ZNF71: variants seen among roughly 807,000 people sequenced by gnomAD.
The protein encoded by ZNF71 is endothelial zinc finger protein induced by tumor necrosis factor alpha.
Under a neutral mutation model 6.7 loss-of-function variants are expected in ZNF71, and 3 were observed. The ratio of observed to expected loss-of-function variants is 0.45; its 90% CI spans 0.20 to 1.16. The LOEUF (loss-of-function observed/expected upper bound fraction) is 1.16, where lower values mean the gene tolerates loss of function less well. Ranked by LOEUF, ZNF71 falls within the 50% of genes most tolerant of loss-of-function variation. The pLI is 0.25. For missense variants in ZNF71, 688 were observed against 728.6 expected (o/e 0.94, Z 0.64); for synonymous variants, 343 against 311.1 (o/e 1.10, Z -1.08).
At chr19:56,612,605 T>C (rs534947302) in intron 2 of ZNF71, among the ~76,000 whole-genome samples, 1 of 152,204 alleles carries the variant, frequency 6.6e-6, no homozygotes, top group South Asian at 2.1e-4. Flanking sequence ...AGTGTTATAA[T>C]AGACTTTGGA....
In ZNF71 at chr19:56,614,068, A is replaced by T. The variant is rs1169657637; in HGVS notation, c.160+130A>T. The T allele has an allele frequency of 5.3e-6, 4 of 757,634 alleles. No individual in the cohort carries two copies. In the African/African-American group the frequency reaches 7.6e-5, roughly 14 times the overall value. The allele number at this position is 757,634 out of a possible 1,614,324, so 46.9% of individuals were successfully genotyped here. A position where few individuals can be genotyped will look rare whatever the true frequency, so the allele number is the denominator to read the frequency against. ...TTTAAAATTTGCTCTACTTGAAGCTAAAAATAAAGTTGATCACGATGGTAT... is the reference window on the plus strand; with the variant it reads ...TTTAAAATTTGCTCTACTTGAAGCTTAAAATAAAGTTGATCACGATGGTAT... On this transcript the variant is annotated intron_variant, in intron 3 of 3. Transcript: ENST00000599599.
intron 1 of ZNF71, among the ~76,000 whole-genome samples, chr19:56,597,724 GT>G (rs112663037): frequency 0.27 from 41,419 of 151,484 alleles, 6,164 homozygotes; most frequent in African/African-American, 0.38. Context: ...TGTTTTCAGG[GT>G]TTTTTTTTGC....
chr19:56,601,717 A>T, intron 2 of ZNF71, 126 bp downstream of exon 2: 1 of 581,484 alleles, frequency 1.7e-6, no homozygotes, highest in Non-Finnish European at 2.2e-6. Context: ...GCCCTGATGA[A>T]GAGGGCTGTG....
chr19:56,619,878 C>A (rs1235040165), intron 3 of ZNF71, among the ~76,000 whole-genome samples: 1 of 152,146 alleles, frequency 6.6e-6, no homozygotes, highest in Non-Finnish European at 1.5e-5. Flanking sequence ...GGGAATGAGT[C>A]CCCTGATGCA....
chr19:56,603,476 G>T lies in ZNF71; in HGVS notation c.33+1885G>T, dbSNP rs2044686201. Among the ~76,000 whole-genome samples, 1 of 152,148 alleles carries T rather than the reference G, an allele frequency of 6.6e-6. No individual in the cohort carries two copies. Among genetic ancestry groups the T allele is most frequent in the South Asian group, 2.1e-4 (1 of 4,832 alleles). On this transcript the variant is annotated intron_variant, in intron 2 of 3. Coordinates refer to ENST00000599599, the MANE Select transcript of ZNF71 (RefSeq NM_001370215.1). The surrounding 1 kb of genome is among the most constrained non-coding windows in gnomAD (Gnocchi z 4.6). ...TTATTTATCCTTTCATCAGTTGATG[G>T]ACATTTGGGTTGTTTCCACTTTTTG...
intron 2 of ZNF71, among the ~76,000 whole-genome samples, chr19:56,612,739 C>T (rs2044761426): frequency 1.3e-5 from 2 of 152,142 alleles, no homozygotes; most frequent in African/African-American, 4.8e-5. Flanking sequence ...CATTTCATCC[C>T]TGTAACCAAA....
chr19:56,596,310 G>A (rs531975932), intron 1 of ZNF71, among the ~76,000 whole-genome samples: 15 of 152,022 alleles, frequency 9.9e-5, no homozygotes, highest in South Asian at 4.2e-4. Context: ...TGATGTTTGC[G>A]TGTGACTCTG....
In ZNF71 at chr19:56,622,843, C is replaced by T; in HGVS notation, c.*86C>T. On this transcript the variant is annotated 3_prime_UTR_variant, in exon 4 of 4. Coordinates refer to ENST00000599599, the MANE Select transcript of ZNF71 (RefSeq NM_001370215.1). ...TTTGTCAGCAGTGCTGTGAGAAGTT[C>T]TCCCCTGGGGTGGGGACTCGGGGTC... is the stretch of plus-strand genomic sequence containing the variant. 2 of 1,508,456 alleles carry T rather than the reference C, an allele frequency of 1.3e-6. No homozygotes were observed. The highest frequency in any genetic ancestry group is 1.8e-6 in the Non-Finnish European group (2 of 1,124,906). The allele number at this position is 1,508,456 out of a possible 1,614,324, so 93.4% of individuals were successfully genotyped here. A position where few individuals can be genotyped will look rare whatever the true frequency, so the allele number is the denominator to read the frequency against.
rs765953194 is a variant in ZNF71 at position 56,608,859 on chromosome 19, A to C, written c.34-4953A>C. On this transcript the variant is annotated intron_variant, in intron 2 of 3. Transcript: ENST00000599599. ...TTCATGTGGTTGAGATAAAATGGTT[A>C]TTTAGAATTCTGGAAACCCAGAAGC... is the stretch of plus-strand genomic sequence containing the variant. Among the ~76,000 whole-genome samples the C allele has an allele frequency of 5.3e-5, 8 of 152,292 alleles. No individual in the cohort carries two copies. In the South Asian group the frequency reaches 6.2e-4, roughly 12 times the overall value.
At position 56,621,383 on chromosome 19, in the gene ZNF71, T is replaced by C. The variant is rs749646323; in HGVS notation, c.276T>C (p.Gly92=). 10 of 1,605,592 alleles carry C rather than the reference T, an allele frequency of 6.2e-6. No individual in the cohort carries two copies. Among genetic ancestry groups the C allele is most frequent in the Admixed American group, 1.7e-5 (1 of 59,420 alleles). ...GACCCACGAGGAATGGTGCCAGGGG[T>C]CCTGGCTCAGAAGGAGTGTGGGAAC... ...TGGPTRNGAR[G]PGSEGVWEPG... The change falls in exon 4 of 4, where the codon GGT becomes GGC. Residue 92 remains glycine, a synonymous_variant. Coordinates refer to ENST00000599599, the MANE Select transcript of ZNF71 (RefSeq NM_001370215.1).
rs1213472839 is a variant in ZNF71 at position 56,622,626 on chromosome 19, T to C, written c.1519T>C (p.Phe507Leu). 1.2e-6 allele frequency: 2 copies of C among 1,613,980 alleles called. No homozygotes were observed. Among genetic ancestry groups the C allele is most frequent in the South Asian group, 2.2e-5 (2 of 91,070 alleles). The part of the protein sequence containing the change: ...PYRCGQCGKS[F>L]IKNSSLTVHQ... ...CAGGTGCGGCCAGTGCGGGAAGTCC[T>C]TCATCAAGAACTCCTCCCTCACTGT... The change falls in exon 4 of 4, where the codon TTC becomes CTC. Residue 507 changes from phenylalanine (F) to leucine (L), a missense_variant. Transcript: ENST00000599599.
At chr19:56,605,807 C>G (rs1026071951) in intron 2 of ZNF71, among the ~76,000 whole-genome samples, 4 of 152,202 alleles carry the variant, frequency 2.6e-5, no homozygotes, top group African/African-American at 4.8e-5. Context: ...TGATATTTAT[C>G]CAACTGTCTT....
intron 2 of ZNF71, among the ~76,000 whole-genome samples, chr19:56,612,340 T>C (rs1434780899): frequency 3.3e-5 from 5 of 150,398 alleles, no homozygotes; most frequent in African/African-American, 1.0e-4. Flanking sequence ...CATCAACCCA[T>C]AGATAAAGAA....
At chr19:56,605,615 A>G (rs1990576) in intron 2 of ZNF71, among the ~76,000 whole-genome samples, 119,869 of 152,162 alleles carry the variant, frequency 0.79, 48,110 homozygotes, top group East Asian at 1. Context: ...ATCTGTGGCC[A>G]TGGCTCAAGA....
Position 56,598,822 on chromosome 19 carries a change from T to G in ZNF71, c.-52-2685T>G, listed in dbSNP as rs957102578. On this transcript the variant is annotated intron_variant, in intron 1 of 3. Coordinates refer to ENST00000599599, the MANE Select transcript of ZNF71 (RefSeq NM_001370215.1). This position sits in a 1 kb window ranked among gnomAD's most constrained non-coding sequence, Gnocchi z 4.2. ...CCTTATATATATGCCCCCCTACAATTAAAATTACTTTTCACTTGTGGAAGT... is the reference window on the plus strand; with the variant it reads ...CCTTATATATATGCCCCCCTACAATGAAAATTACTTTTCACTTGTGGAAGT... Among the ~76,000 whole-genome samples the G allele has an allele frequency of 1.3e-5, 2 of 152,186 alleles. No individual in the cohort carries two copies. The highest frequency in any genetic ancestry group is 4.8e-5 in the African/African-American group (2 of 41,428).
At position 56,613,130 on chromosome 19, in the gene ZNF71, G is replaced by A. The variant is rs1337663587; in HGVS notation, c.34-682G>A. On this transcript the variant is annotated intron_variant, in intron 2 of 3. Transcript: ENST00000599599. The surrounding 1 kb of genome is among the most constrained non-coding windows in gnomAD (Gnocchi z 4.6). The stretch of plus-strand genomic sequence containing the variant: ...TACCACAAAGTGCTGCTCCTTCCAC[G>A]TGGACTTCTCTCCACTCCCCAGCAG... Among the ~76,000 whole-genome samples the A allele has an allele frequency of 1.3e-5, 2 of 152,042 alleles. No homozygotes were observed. The highest frequency in any genetic ancestry group is 6.6e-5 in the Admixed American group (1 of 15,264).
intron 2 of ZNF71, among the ~76,000 whole-genome samples, chr19:56,604,232 C>T (rs969605767): frequency 1.4e-4 from 22 of 152,060 alleles, no homozygotes; most frequent in African/African-American, 5.3e-4. Context: ...GATGGTTCCA[C>T]GGGTGTATAT....
intron 2 of ZNF71, among the ~76,000 whole-genome samples, chr19:56,606,653 C>T (rs773564568): frequency 7.9e-5 from 12 of 151,600 alleles, no homozygotes; most frequent in East Asian, 3.9e-4. Context: ...TGGATGGCAC[C>T]GCTGAGGCCT....
chr19:56,622,794 G>A lies in ZNF71; in HGVS notation c.*37G>A. ...CAGGGCTCTCACTGGCGGTGCCCAG[G>A]ACGGACGCCAGATGGCTGCGCGCTT... On this transcript the variant is annotated 3_prime_UTR_variant, in exon 4 of 4. Coordinates refer to ENST00000599599, the MANE Select transcript of ZNF71 (RefSeq NM_001370215.1). The A allele has an allele frequency of 3.9e-6, 6 of 1,554,800 alleles. No individual in the cohort carries two copies. The highest frequency in any genetic ancestry group is 5.2e-6 in the Non-Finnish European group (6 of 1,148,854).
Sources: allele counts gnomAD v4.1 joint callset (sites outside exome capture counted in the v4.1 genomes callset), GRCh38; gene constraint gnomAD v4.1.1; non-coding constraint Gnocchi (gnomAD v3.1); transcripts MANE v1.5; gene names NCBI Gene and HGNC (gene_info 2026-07-23, HGNC 2026-07-21).